USP22: variants seen among roughly 807,000 people sequenced by gnomAD.
The protein encoded by USP22 is ubiquitin carboxyl-terminal hydrolase 22.
USP22 carries 22 observed loss-of-function variants against 68.1 expected under a neutral mutation model. That is an observed-to-expected ratio of 0.32 (90% CI 0.23 to 0.46). USP22 has a LOEUF of 0.46. USP22 is among the 20% of genes least tolerant of loss of function. USP22 has a pLI of 1.00. For synonymous variants in USP22, 279 were observed against 274.2 expected (o/e 1.02, Z -0.17); for missense variants, 433 against 695.8 (o/e 0.62, Z 4.25).
At chr17:21,017,506 G>A (rs1022338464) in intron 5 of USP22, among the ~76,000 whole-genome samples, 7 of 152,240 alleles carry the variant, frequency 4.6e-5, no homozygotes, top group African/African-American at 1.4e-4. Context: ...CGTGCAGCGC[G>A]TAGCTCATGA....
chr17:21,014,817 A>G (rs1007422042), intron 6 of USP22, among the ~76,000 whole-genome samples: 3 of 152,212 alleles, frequency 2.0e-5, no homozygotes, highest in Admixed American at 1.3e-4. Context: ...CAGAGACCAC[A>G]GGAAACTCAC....
intron 5 of USP22, among the ~76,000 whole-genome samples, chr17:21,017,126 A>G (rs975018558): frequency 1.3e-5 from 2 of 152,208 alleles, no homozygotes; most frequent in African/African-American, 4.8e-5. Context: ...TGGACAGTAA[A>G]TAATTTCAGC....
Position 21,042,752 on chromosome 17 carries a change from G to A in USP22, c.84C>T (p.Ser28=), listed in dbSNP as rs1045428067. 4 of 1,497,594 alleles carry A rather than the reference G, an allele frequency of 2.7e-6. No individual in the cohort carries two copies. In the African/African-American group the frequency reaches 5.7e-5, roughly 21 times the overall value. The allele number at this position is 1,497,594 out of a possible 1,614,324, so 92.8% of individuals were successfully genotyped here. Residue 28 remains serine (S), a synonymous_variant, in exon 1 of 13, where the codon AGC becomes AGT. Transcript: ENST00000261497. ...VAPPGCSHLG[S]FKVDNWKQNL... ...TCTGCTTCCAGTTGTCCACCTTGAA[G>A]CTGCCCAGGTGCGAGCAGCCCGGCG...
chr17:21,036,964 G>T (rs967731925), intron 1 of USP22, among the ~76,000 whole-genome samples: 1 of 152,122 alleles, frequency 6.6e-6, no homozygotes, highest in Admixed American at 6.5e-5. Context: ...TAAGGCTGGG[G>T]CAGAAAACAC....
chr17:21,018,272 CT>C, intron 4 of USP22, 161 bp from the exon 5 acceptor site: 1 of 642,282 alleles, frequency 1.6e-6, no homozygotes, highest in Non-Finnish European at 2.5e-6. Context: ...TTTTATGCCA[CT>C]TTTACATGAA....
intron 7 of USP22, 37 bp downstream of exon 7, chr17:21,012,793 G>C (rs773872738): frequency 1.3e-6 from 2 of 1,581,432 alleles, no homozygotes; most frequent in Non-Finnish European, 1.7e-6. Flanking sequence ...CGGCCCCAGA[G>C]GGTTTGATAT....
At chr17:21,041,853 G>A (rs972253011) in intron 1 of USP22, among the ~76,000 whole-genome samples, 5 of 152,218 alleles carry the variant, frequency 3.3e-5, no homozygotes, top group Non-Finnish European at 7.3e-5. Flanking sequence ...CTCCCCGAGG[G>A]GACTCACTCC....
chr17:21,040,381 C>A (rs1004605798), intron 1 of USP22, among the ~76,000 whole-genome samples: 7 of 152,060 alleles, frequency 4.6e-5, no homozygotes, highest in African/African-American at 1.2e-4. Context: ...TAAATAAGTC[C>A]CCCCAGTCAG....
At chr17:21,024,494 TCA>T (rs1207311744) in intron 2 of USP22, among the ~76,000 whole-genome samples, 3 of 152,176 alleles carry the variant, frequency 2.0e-5, no homozygotes, top group Non-Finnish European at 1.5e-5. Flanking sequence ...AACTGAATAT[TCA>T]CCTACAAATC....
At chr17:21,010,001 G>A (rs1027953532) in intron 8 of USP22, among the ~76,000 whole-genome samples, 1 of 151,298 alleles carries the variant, frequency 6.6e-6, no homozygotes, top group African/African-American at 2.4e-5. Flanking sequence ...AAATCAGCTG[G>A]GCATGGTGGC....
intron 1 of USP22, among the ~76,000 whole-genome samples, chr17:21,033,013 C>T (rs1336867353): frequency 6.7e-6 from 1 of 148,342 alleles, no homozygotes; most frequent in South Asian, 2.1e-4. Context: ...TCTTGAGACA[C>T]ATTTGCAGAC....
chr17:21,036,791 T>C (rs1156393017), intron 1 of USP22, among the ~76,000 whole-genome samples: 2 of 152,216 alleles, frequency 1.3e-5, no homozygotes, highest in African/African-American at 2.4e-5. Context: ...GACGTGTATA[T>C]GCACGCATTT....
At chr17:21,022,382 A>C (rs1972167313) in intron 2 of USP22, among the ~76,000 whole-genome samples, 1 of 152,090 alleles carries the variant, frequency 6.6e-6, no homozygotes, top group South Asian at 2.1e-4. Context: ...AAAAGTCAAA[A>C]AAATAAAATA....
At chr17:21,022,423 T>C (rs998059641) in intron 2 of USP22, among the ~76,000 whole-genome samples, 3 of 152,198 alleles carry the variant, frequency 2.0e-5, no homozygotes, top group African/African-American at 7.2e-5. Flanking sequence ...TTTGGGCTCT[T>C]AATTATTTTA....
chr17:21,027,419 T>C (rs943983294), intron 2 of USP22, among the ~76,000 whole-genome samples: 1 of 152,142 alleles, frequency 6.6e-6, no homozygotes, highest in African/African-American at 2.4e-5. Context: ...AGTGACTTTA[T>C]GGACTCGCAT....
At chr17:21,030,684 A>G (rs1178814246) in intron 1 of USP22, among the ~76,000 whole-genome samples, 1 of 152,238 alleles carries the variant, frequency 6.6e-6, no homozygotes, top group Non-Finnish European at 1.5e-5. Context: ...GACTTCTGCA[A>G]AATGACTGAC....
At chr17:21,030,653 G>A (rs907727123) in intron 1 of USP22, among the ~76,000 whole-genome samples, 5 of 152,152 alleles carry the variant, frequency 3.3e-5, no homozygotes, top group Non-Finnish European at 5.9e-5. Flanking sequence ...TGAGAAGTAG[G>A]GAGGTATGTC....
intron 1 of USP22, 143 bp from the exon 2 acceptor site, chr17:21,028,817 G>C: frequency 2.7e-6 from 3 of 1,097,470 alleles, no homozygotes; most frequent in Non-Finnish European, 3.8e-6. Context: ...CTACTCTAGA[G>C]GATCAGTTTA....
intron 6 of USP22, among the ~76,000 whole-genome samples, chr17:21,014,141 C>T (rs1468232662): frequency 1.3e-5 from 2 of 152,238 alleles, no homozygotes; most frequent in East Asian, 1.9e-4. Context: ...ACAAAATGCA[C>T]GTAACCAAGG....
Sources: gnomAD v4.1 joint callset for allele counts (sites outside exome capture counted in the v4.1 genomes callset) on GRCh38, gnomAD v4.1.1 for gene constraint, MANE v1.5 for transcripts, NCBI Gene and HGNC (gene_info 2026-07-23, HGNC 2026-07-21) for gene names.